PTDSS2: variants seen among roughly 807,000 people sequenced by gnomAD.
PTDSS2 encodes the protein phosphatidylserine synthase 2.
PTDSS2 carries 41 observed loss-of-function variants against 64.7 expected under a neutral mutation model. The ratio of observed to expected loss-of-function variants is 0.63; its 90% CI spans 0.49 to 0.82. PTDSS2 has a LOEUF of 0.82. PTDSS2 is among the 40% of genes least tolerant of loss of function. The probability of loss-of-function intolerance (pLI) is 0.00; values close to 1 mark genes in which losing one functional copy is unlikely to be tolerated. For synonymous variants in PTDSS2, 297 were observed against 277.8 expected, an observed-to-expected ratio of 1.07 and a Z score of -0.69; for missense variants, 485 against 650.0, an observed-to-expected ratio of 0.75 and a Z score of 2.76.
intron 5 of PTDSS2, 146 bp downstream of exon 5, chr11:487,219 G>T: frequency 3.0e-6 from 3 of 1,005,832 alleles, no homozygotes; most frequent in Non-Finnish European, 4.5e-6. Context: ...TGTCCGTCTG[G>T]ATGGTGCTCA....
In PTDSS2 at chr11:470,418, C is replaced by T. The variant is rs774796025; in HGVS notation, c.285-3477C>T. 6.6e-6 allele frequency among the ~76,000 whole-genome samples: 1 copy of T among 152,086 alleles called. No homozygotes were observed. Among genetic ancestry groups the T allele is most frequent in the African/African-American group, 2.4e-5 (1 of 41,384 alleles). On this transcript the variant is annotated intron_variant, in intron 2 of 11. Transcript: ENST00000308020. The surrounding 1 kb of genome is among the most constrained non-coding windows in gnomAD (Gnocchi z 5.3). ...CAGAGACAAGGAGAGTCTGAGAAAC[C>T]GTCCCAGCCTCGGGGAGCCTGAAGA...
rs146789290 is a variant in PTDSS2, at chr11:487,029, A to T, written c.526A>T (p.Ile176Phe). The change falls in exon 5 of 12, where the codon ATC becomes TTC. Residue 176 changes from isoleucine to phenylalanine, a missense_variant. Physicochemically the swap from Ile to Phe is conservative, Grantham distance 21. Around this residue, in one of 3 missense-constraint regions of PTDSS2, gnomAD observed 251 missense variants for 348.0 expected, o/e 0.72. Coordinates refer to ENST00000308020, the MANE Select transcript of PTDSS2 (RefSeq NM_030783.3). ...PERDYGGNCLIYDPDNETDPF... is the reference protein window; with the variant it reads ...PERDYGGNCLFYDPDNETDPF... ...GAGAGACTACGGGGGAAACTGCCTC[A>T]TCTACGACCCAGACAATGAGACTGA... 3 of 1,613,526 alleles carry T rather than the reference A, an allele frequency of 1.9e-6. No homozygotes were observed. In the African/African-American group the frequency reaches 4.0e-5, roughly 22 times the overall value.
chr11:475,213 C>T (rs1245832058), intron 3 of PTDSS2, among the ~76,000 whole-genome samples: 1 of 62,320 alleles, frequency 1.6e-5, no homozygotes, highest in Non-Finnish European at 3.1e-5. Context: ...ATAATCACGT[C>T]TTTGTGTATA....
intron 2 of PTDSS2, chr11:463,177 AG>A (rs1378214431): frequency 2.0e-5 from 3 of 151,718 alleles, no homozygotes; most frequent in African/African-American, 7.3e-5. Context: ...AAAAAAAAAA[AG>A]AAAAGAAAAG....
intron 4 of PTDSS2, among the ~76,000 whole-genome samples, chr11:484,660 C>T (rs917517625): frequency 6.7e-6 from 1 of 149,612 alleles, no homozygotes; most frequent in Admixed American, 6.7e-5. Flanking sequence ...ACTGTGTGCA[C>T]AGGCGTCTGT....
At chr11:453,418 C>G (rs143936614) in intron 1 of PTDSS2, among the ~76,000 whole-genome samples, 7 of 152,314 alleles carry the variant, frequency 4.6e-5, no homozygotes, top group African/African-American at 1.7e-4. Flanking sequence ...ACTTGCTAAC[C>G]AGTTCCCGAG....
chr11:488,237 C>A lies in PTDSS2; in HGVS notation c.660C>A (p.Ile220=). The A allele has an allele frequency of 1.2e-6, 2 of 1,613,566 alleles. No individual in the cohort carries two copies. The highest frequency in any genetic ancestry group is 1.7e-6 in the Non-Finnish European group (2 of 1,179,914). Residue 220 remains isoleucine, a synonymous_variant, in exon 7 of 12, where the codon ATC becomes ATA. Coordinates refer to ENST00000308020, the MANE Select transcript of PTDSS2 (RefSeq NM_030783.3). ...GAGACTGGTGGATGTGCATGATCAT[C>A]AGCGTGATGTTCGAGTTCCTGGAGT... ...MIRDWWMCMI[I]SVMFEFLEYS... is the part of the protein sequence containing the mutation.
chr11:458,963 C>T (rs1352415450), intron 1 of PTDSS2: 1 of 152,226 alleles, frequency 6.6e-6, no homozygotes, highest in Non-Finnish European at 1.5e-5. Context: ...AGAAGCTTCC[C>T]CATTTAGATA....
intron 1 of PTDSS2, chr11:451,216 G>T: frequency 4.0e-6 from 1 of 246,940 alleles, no homozygotes; most frequent in South Asian, 3.2e-5. Context: ...TGCCCCTAGC[G>T]GGGCCAGCGC....
chr11:464,337 G>A (rs1847044119), intron 2 of PTDSS2, among the ~76,000 whole-genome samples: 1 of 152,202 alleles, frequency 6.6e-6, no homozygotes, highest in African/African-American at 2.4e-5. Context: ...TATAATCTGT[G>A]TCTGATTCAC....
At chr11:477,672 C>T (rs1771241421) in intron 3 of PTDSS2, among the ~76,000 whole-genome samples, 1 of 152,220 alleles carries the variant, frequency 6.6e-6, no homozygotes, top group Non-Finnish European at 1.5e-5. Flanking sequence ...GTGGCCCGCT[C>T]AGAACATGAT....
At chr11:455,177 T>A (rs1564958978) in intron 1 of PTDSS2, among the ~76,000 whole-genome samples, 2 of 152,318 alleles carry the variant, frequency 1.3e-5, no homozygotes, top group African/African-American at 2.4e-5. Context: ...TTGATCTAGC[T>A]TCTGGGTCTC....
intron 5 of PTDSS2, 29 bp downstream of exon 5, chr11:487,102 C>G: frequency 2.5e-6 from 4 of 1,600,098 alleles, no homozygotes; most frequent in Non-Finnish European, 3.4e-6. Context: ...TGAGGCGAGC[C>G]CCTCCCCAGG....
At chr11:450,796 C>G (rs1055715087) in intron 1 of PTDSS2, among the ~76,000 whole-genome samples, 159 bp downstream of exon 1, 3 of 151,998 alleles carry the variant, frequency 2.0e-5, no homozygotes, top group Admixed American at 1.3e-4. Context: ...CCCCGGGTCC[C>G]GGGGAGCGGC....
chr11:471,196 A>G (rs1245691052), intron 2 of PTDSS2, among the ~76,000 whole-genome samples: 7 of 149,664 alleles, frequency 4.7e-5, no homozygotes, highest in African/African-American at 1.7e-4. Context: ...CCCAGATTCA[A>G]GTGATTCTCC....
chr11:472,059 G>C (rs1847486393), intron 2 of PTDSS2, among the ~76,000 whole-genome samples: 1 of 148,526 alleles, frequency 6.7e-6, no homozygotes, highest in Non-Finnish European at 1.5e-5. Flanking sequence ...TGGTGGCCTG[G>C]GGTAACGCGG....
In PTDSS2 at chr11:490,055, C is replaced by T. The variant is rs146406994; in HGVS notation, c.1288C>T (p.Arg430Cys). The change falls in exon 11 of 12, where the codon CGC becomes TGC. Residue 430 changes from arginine to cysteine, a missense_variant. Arg to Cys is a radical substitution (Grantham distance 180, BLOSUM62 -3). This residue lies in a region of PTDSS2 where 219 missense variants were observed against 257.3 expected (regional missense o/e 0.85). Coordinates refer to ENST00000308020, the MANE Select transcript of PTDSS2 (RefSeq NM_030783.3). Reference protein sequence around the residue: ...SVLALTWTVWRFFLRDITLRY... With the variant: ...SVLALTWTVWCFFLRDITLRY... ...CCTGGCGCTCACCTGGACCGTCTGG[C>T]GCTTCTTCCTGCGGTGAGTCAGGGC... 131 of 1,607,244 alleles carry T rather than the reference C, an allele frequency of 8.2e-5. 1 individual carries two copies. The highest frequency in any genetic ancestry group is 2.0e-4 in the Admixed American group (12 of 59,894).
rs1564994599 is a variant in PTDSS2 at position 486,980 on chromosome 11, C to G, written c.477C>G (p.Pro159=). The G allele has an allele frequency of 2.5e-6, 4 of 1,613,338 alleles. No individual in the cohort carries two copies. The highest frequency in any genetic ancestry group is 3.4e-6 in the Non-Finnish European group (4 of 1,179,928). Residue 159 remains proline, a synonymous_variant, in exon 5 of 12, where the codon CCC becomes CCG. Transcript: ENST00000308020. ...DGRQFLKYVD[P]KLGVPLPERD... ...GGCAGTTTCTAAAGTATGTTGACCC[C>G]AAGCTGGGAGTCCCACTGCCAGAGA...
intron 1 of PTDSS2, among the ~76,000 whole-genome samples, chr11:455,592 GCACC>G (rs1394241710): frequency 3.3e-5 from 5 of 152,212 alleles, no homozygotes; most frequent in African/African-American, 1.2e-4. Flanking sequence ...TCAGACATGT[GCACC>G]CTTTGGAGAG....
Sources: gnomAD v4.1 joint callset for allele counts (sites outside exome capture counted in the v4.1 genomes callset) on GRCh38, gnomAD v4.1.1 for gene constraint, gnomAD v4.1.1 regional missense constraint, Gnocchi (gnomAD v3.1) non-coding constraint, MANE v1.5 for transcripts, NCBI Gene and HGNC (gene_info 2026-07-23, HGNC 2026-07-21) for gene names.